The following TMEM181 variants were observed in gnomAD, a reference collection of about 807,000 sequenced individuals.
TMEM181 encodes the protein transmembrane protein 181.
In TMEM181, 39 loss-of-function variants were observed where a neutral mutation model predicts 71.9. The ratio of observed to expected loss-of-function variants is 0.54; its 90% CI spans 0.42 to 0.71. The LOEUF (loss-of-function observed/expected upper bound fraction) is 0.71, where lower values mean the gene tolerates loss of function less well. TMEM181 is among the 30% of genes least tolerant of loss of function. The probability of loss-of-function intolerance (pLI) is 0.00; values close to 1 mark genes in which losing one functional copy is unlikely to be tolerated. For synonymous variants in TMEM181, 245 were observed against 228.8 expected (o/e 1.07, Z -0.64); for missense variants, 595 against 583.0 (o/e 1.02, Z -0.21).
At chr6:158,581,076 T>A in intron 3 of TMEM181, 81 bp downstream of exon 3, 1 of 1,365,246 alleles carries the variant, frequency 7.3e-7, no homozygotes, top group Non-Finnish European at 1.0e-6. Context: ...CCGCTTAGAG[T>A]CTTTAAGGTA....
chr6:158,547,583 C>G lies in TMEM181; in HGVS notation c.131+10718C>G, dbSNP rs543555288. ...GTCACCATTGACACAGGGTCTCCCC[C>G]CTCAGCTGGGGCCTCAGCGAAGCCC... On this transcript the variant is annotated intron_variant, in intron 1 of 16. Coordinates refer to the TMEM181 transcript ENST00000367090. Among the ~76,000 whole-genome samples, 218 of 152,316 alleles carry G rather than the reference C, an allele frequency of 1.4e-3. 1 individual carries two copies. The highest frequency in any genetic ancestry group is 4.9e-3 in the African/African-American group (204 of 41,570).
intron 6 of TMEM181, among the ~76,000 whole-genome samples, chr6:158,598,157 A>G (rs1246265010): frequency 1.3e-5 from 2 of 152,248 alleles, no homozygotes; most frequent in East Asian, 1.9e-4. Flanking sequence ...CTTTGACACT[A>G]CAAAAATCAC....
At chr6:158,600,646 T>C (rs1197047489) in intron 6 of TMEM181, among the ~76,000 whole-genome samples, 9 of 151,852 alleles carry the variant, frequency 5.9e-5, no homozygotes, top group African/African-American at 1.7e-4. Context: ...AATTTTTGTA[T>C]TTTTAGTAGA....
intron 2 of TMEM181, among the ~76,000 whole-genome samples, chr6:158,575,979 T>A (rs1454811856): frequency 1.3e-5 from 2 of 152,278 alleles, no homozygotes; most frequent in African/African-American, 2.4e-5. Flanking sequence ...TTTGACTACT[T>A]CTTTTAAGGC....
At chr6:158,570,313 A>G (rs1782732040) in intron 1 of TMEM181, among the ~76,000 whole-genome samples, 2 of 150,594 alleles carry the variant, frequency 1.3e-5, no homozygotes, top group Admixed American at 1.3e-4. Context: ...GCTCAATGCA[A>G]GCTCTGCCTC....
intron 15 of TMEM181, among the ~76,000 whole-genome samples, chr6:158,630,219 C>T (rs540089348): frequency 6.6e-6 from 1 of 152,266 alleles, no homozygotes; most frequent in African/African-American, 2.4e-5. Flanking sequence ...CCATTTATTA[C>T]AAAACAGGCT....
intron 1 of TMEM181, among the ~76,000 whole-genome samples, chr6:158,549,723 T>G (rs1264674111): frequency 3.3e-5 from 5 of 152,202 alleles, no homozygotes; most frequent in African/African-American, 1.2e-4. Context: ...TTGAGATAAT[T>G]ATTTTTGGCT....
At chr6:158,629,540 G>A (rs578152170) in intron 14 of TMEM181, among the ~76,000 whole-genome samples, 190 bp from the exon 15 acceptor site, 1 of 151,882 alleles carries the variant, frequency 6.6e-6, no homozygotes, top group Non-Finnish European at 1.5e-5. Flanking sequence ...CTGTGACCTC[G>A]AAGAGTGCTT....
At chr6:158,570,668 T>A (rs1782755555) in intron 1 of TMEM181, among the ~76,000 whole-genome samples, 1 of 152,114 alleles carries the variant, frequency 6.6e-6, no homozygotes, top group African/African-American at 2.4e-5. Flanking sequence ...CGCTGCAGGC[T>A]CCAACCTACA....
chr6:158,622,525 A>G (rs1786024815), intron 10 of TMEM181, among the ~76,000 whole-genome samples: 1 of 152,228 alleles, frequency 6.6e-6, no homozygotes, highest in Admixed American at 6.5e-5. Context: ...GGGGTGGCAC[A>G]CATCCCTGGG....
chr6:158,623,604 T>C lies in TMEM181; in HGVS notation c.951T>C (p.Phe317=). ...AGTATCGAGTTGATACCGGAAATTT[T>C]CAGGTAAGGATTGTTAATGAGGCCT... The part of the protein sequence containing the change: ...MYQYRVDTGN[F]QGMKVFFMVV... The change falls in exon 11 of 17, where the codon TTT becomes TTC. Residue 317 remains phenylalanine (F), a synonymous_variant. Transcript: ENST00000684151. The C allele has an allele frequency of 6.3e-7, 1 of 1,582,470 alleles. No homozygotes were observed. The highest frequency in any genetic ancestry group is 8.6e-7 in the Non-Finnish European group (1 of 1,161,306).
At chr6:158,605,432 A>G (rs1008264649) in intron 7 of TMEM181, 85 bp downstream of exon 7, 35 of 1,244,186 alleles carry the variant, frequency 2.8e-5, no homozygotes, top group Middle Eastern at 4.0e-4. Flanking sequence ...GGTGCAAGCC[A>G]CATGGAGATT....
rs563676829 is a variant in TMEM181 at position 158,603,345 on chromosome 6, G to A, written c.493-1922G>A. Among the ~76,000 whole-genome samples the A allele has an allele frequency of 6.3e-4, 96 of 152,206 alleles. 1 individual carries two copies. The highest frequency in any genetic ancestry group is 6.0e-3 in the South Asian group (29 of 4,818). Reference sequence around the variant, plus strand: ...TTATCATTAGATTCTCGTAAGGAGCGTGCAGCCTAGATCCCTCGCCTGCAC... The same window carrying A: ...TTATCATTAGATTCTCGTAAGGAGCATGCAGCCTAGATCCCTCGCCTGCAC... On this transcript the variant is annotated intron_variant, in intron 6 of 16. Transcript: ENST00000684151.
Position 158,632,058 on chromosome 6 carries a change from T to C in TMEM181, c.*170T>C, listed in dbSNP as rs1375886379. On this transcript the variant is annotated 3_prime_UTR_variant, in exon 17 of 17. Transcript: ENST00000684151. Reference sequence around the variant, plus strand: ...AAAACTGAGGGTAAATTTAAATGTTTAGCCAAATTTATTGTCATGGTGGCT... The same window carrying C: ...AAAACTGAGGGTAAATTTAAATGTTCAGCCAAATTTATTGTCATGGTGGCT... The C allele has an allele frequency of 4.6e-6, 3 of 653,862 alleles. No individual in the cohort carries two copies. The highest frequency in any genetic ancestry group is 1.8e-5 in the African/African-American group (1 of 54,874). The allele number at this position is 653,862 out of a possible 1,614,324, so 40.5% of individuals were successfully genotyped here.
intron 1 of TMEM181, among the ~76,000 whole-genome samples, chr6:158,568,983 T>G (rs936277271): frequency 6.6e-6 from 1 of 152,198 alleles, no homozygotes; most frequent in African/African-American, 2.4e-5. Context: ...TCTTTTTTAT[T>G]TTAATTTTTT....
intron 1 of TMEM181, among the ~76,000 whole-genome samples, chr6:158,551,658 C>A (rs941956409): frequency 6.6e-6 from 1 of 152,084 alleles, no homozygotes; most frequent in Non-Finnish European, 1.5e-5. Context: ...ACAAATTTTA[C>A]ATAATCTTTA....
At chr6:158,605,074 A>C (rs1784867634) in intron 6 of TMEM181, among the ~76,000 whole-genome samples, 193 bp from the exon 7 acceptor site, 1 of 149,360 alleles carries the variant, frequency 6.7e-6, no homozygotes, top group African/African-American at 2.5e-5. Context: ...AGATTGCGCC[A>C]CTTCACTCCG....
chr6:158,622,480 C>T (rs772770675), intron 10 of TMEM181, among the ~76,000 whole-genome samples: 31 of 151,998 alleles, frequency 2.0e-4, no homozygotes, highest in Admixed American at 3.3e-4. Context: ...GACTGACGGG[C>T]GAGCCACGTT....
chr6:158,617,315 G>T (rs1298579699), intron 10 of TMEM181, among the ~76,000 whole-genome samples: 1 of 151,976 alleles, frequency 6.6e-6, no homozygotes, highest in African/African-American at 2.4e-5. Flanking sequence ...TATTTCTGTG[G>T]GTTCGGTGGT....
Sources: gnomAD v4.1 joint callset for allele counts (sites outside exome capture counted in the v4.1 genomes callset) on GRCh38, gnomAD v4.1.1 for gene constraint, MANE v1.5 for transcripts, NCBI Gene and HGNC (gene_info 2026-07-23, HGNC 2026-07-21) for gene names.